Variants in ARHGAP22 observed in about 807,000 individuals in gnomAD.
ARHGAP22 encodes the protein rho GTPase-activating protein 22.
Under a neutral mutation model 59.1 loss-of-function variants are expected in ARHGAP22, and 48 were observed. The observed-to-expected ratio is 0.81, with a 90% CI of 0.64 to 1.03. ARHGAP22 has a LOEUF of 1.03. Among genes scored for constraint, ARHGAP22 ranks in the 50% least tolerant of loss-of-function variants. ARHGAP22 has a pLI of 0.00. For synonymous variants in ARHGAP22, 445 were observed against 416.4 expected, an observed-to-expected ratio of 1.07 and a Z score of -0.84; for missense variants, 1,015 against 958.7, an observed-to-expected ratio of 1.06 and a Z score of -0.78.
upstream of ARHGAP22, among the ~76,000 whole-genome samples, chr10:48,655,008 C>CTCTTTCTTTCTT (rs369212947): frequency 0.014 from 1,087 of 76,460 alleles, 154 homozygotes; most frequent in Non-Finnish European, 0.018. Flanking sequence ...CTCTTTCTTT[C>CTCTTTCTTTCTT]TCTTTCTTTC....
chr10:48,439,072 G>A, the ARHGAP22 span: 1 of 152,008 alleles, frequency 6.6e-6, no homozygotes, highest in East Asian at 1.9e-4. Context: ...TCAGCAGGGT[G>A]TCACACCTGG....
At chr10:48,468,462 G>C (rs961586195) in intron 4 of ARHGAP22, among the ~76,000 whole-genome samples, 12 of 152,188 alleles carry the variant, frequency 7.9e-5, no homozygotes, top group Non-Finnish European at 1.5e-4. Flanking sequence ...CCAAGGCCTT[G>C]CTGTAGCCCC....
At chr10:48,438,130 AG>A in the ARHGAP22 span, 1 of 152,226 alleles carries the variant, frequency 6.6e-6, no homozygotes, top group African/African-American at 2.4e-5. Context: ...GTAGTTTGTG[AG>A]TGTTGTTCAT....
intron 2 of ARHGAP22, among the ~76,000 whole-genome samples, chr10:48,560,449 G>A (rs1297799586): frequency 6.6e-6 from 1 of 152,128 alleles, no homozygotes; most frequent in East Asian, 1.9e-4. Context: ...TGTTGGGTAT[G>A]GATACAGTTT....
intron 3 of ARHGAP22, among the ~76,000 whole-genome samples, chr10:48,506,334 C>T (rs2052135894): frequency 6.6e-6 from 1 of 152,186 alleles, no homozygotes; most frequent in Admixed American, 6.5e-5. Flanking sequence ...GCCCATTGCT[C>T]CTACAGTACA....
intron 8 of ARHGAP22, among the ~76,000 whole-genome samples, chr10:48,452,511 G>A (rs748162985): frequency 5.3e-5 from 8 of 152,194 alleles, no homozygotes; most frequent in South Asian, 2.1e-4. Context: ...ACCAAAGTGC[G>A]GACTTGAGCA....
intron 1 of ARHGAP22, among the ~76,000 whole-genome samples, chr10:48,613,678 A>C (rs1352586155): frequency 6.6e-6 from 1 of 152,176 alleles, no homozygotes; most frequent in Non-Finnish European, 1.5e-5. Context: ...AATGTAAAAA[A>C]AAAAAAGAAT....
chr10:48,589,040 G>A (rs1465858486), intron 1 of ARHGAP22, among the ~76,000 whole-genome samples: 1 of 152,080 alleles, frequency 6.6e-6, no homozygotes, highest in African/African-American at 2.4e-5. Context: ...TGTGCCGAGG[G>A]GCCGCTGTCA....
At chr10:48,620,159 A>C (rs749016434) in intron 1 of ARHGAP22, among the ~76,000 whole-genome samples, 2 of 152,234 alleles carry the variant, frequency 1.3e-5, no homozygotes, top group Admixed American at 1.3e-4. Flanking sequence ...AAGTCTTGGG[A>C]AAGAATGAAT....
At position 48,541,461 on chromosome 10, in the gene ARHGAP22, G is replaced by A. The variant is rs556437122; in HGVS notation, c.322+14002C>T. Among the ~76,000 whole-genome samples, 8 of 152,284 alleles carry A rather than the reference G, an allele frequency of 5.3e-5. No homozygotes were observed. In the South Asian group the frequency reaches 8.3e-4, roughly 16 times the overall value. On this transcript the variant is annotated intron_variant, in intron 3 of 9. Transcript: ENST00000249601. ...TTCTGTGTCTCTGTGTCACAGAACC[G>A]TGGTGCCCAGCACCAGCCTGATCTT...
intron 1 of ARHGAP22, among the ~76,000 whole-genome samples, chr10:48,599,383 C>T (rs755505222): frequency 9.2e-5 from 14 of 152,236 alleles, no homozygotes; most frequent in Non-Finnish European, 2.1e-4. Flanking sequence ...TGCTTGACAG[C>T]ATGTCCCATG....
At chr10:48,522,759 C>T (rs955510447) in intron 3 of ARHGAP22, among the ~76,000 whole-genome samples, 6 of 152,190 alleles carry the variant, frequency 3.9e-5, no homozygotes, top group Admixed American at 3.3e-4. Flanking sequence ...CTTTTTCATT[C>T]TTTCTACAAT....
chr10:48,636,786 G>C (rs72787259), intron 1 of ARHGAP22, among the ~76,000 whole-genome samples: 3,625 of 152,306 alleles, frequency 0.024, 58 homozygotes, highest in Non-Finnish European at 0.032. Context: ...GGCAGGCAAA[G>C]CCCAGACCTT....
intron 1 of ARHGAP22, among the ~76,000 whole-genome samples, chr10:48,624,628 T>C (rs1056438755): frequency 6.6e-6 from 1 of 152,174 alleles, no homozygotes; most frequent in Non-Finnish European, 1.5e-5. Context: ...CTTTTGGAAA[T>C]TGCAGGCATT....
At chr10:48,583,989 C>A (rs2059274685) in intron 1 of ARHGAP22, among the ~76,000 whole-genome samples, 1 of 151,614 alleles carries the variant, frequency 6.6e-6, no homozygotes, top group South Asian at 2.1e-4. Context: ...CCCCTCTGCC[C>A]CTACTCCTTC....
At chr10:48,550,115 G>C (rs2056784943) in intron 3 of ARHGAP22, among the ~76,000 whole-genome samples, 1 of 152,180 alleles carries the variant, frequency 6.6e-6, no homozygotes, top group South Asian at 2.1e-4. Flanking sequence ...CTGCCCAGCT[G>C]CTCTCCCTGA....
At chr10:48,596,015 T>G (rs560289939) in intron 1 of ARHGAP22, among the ~76,000 whole-genome samples, 2 of 100,958 alleles carry the variant, frequency 2.0e-5, no homozygotes, top group East Asian at 8.2e-4. Context: ...TTAGGTAGAT[T>G]AGAGAGTTTG....
chr10:48,605,732 T>G (rs2060645693), upstream of ARHGAP22, among the ~76,000 whole-genome samples: 1 of 152,224 alleles, frequency 6.6e-6, no homozygotes, highest in African/African-American at 2.4e-5. Context: ...GCACCTACTA[T>G]GTGTCAGGCA....
intron 3 of ARHGAP22, among the ~76,000 whole-genome samples, chr10:48,530,006 G>T (rs566051209): frequency 2.1e-4 from 32 of 152,262 alleles, no homozygotes; most frequent in Middle Eastern, 3.4e-3. Context: ...GGAGGCCAAC[G>T]TGGGCAGATC....
Sources: gnomAD v4.1 joint callset for allele counts (sites outside exome capture counted in the v4.1 genomes callset) on GRCh38, gnomAD v4.1.1 for gene constraint, MANE v1.5 for transcripts, NCBI Gene and HGNC (gene_info 2026-07-23, HGNC 2026-07-21) for gene names.